The following PPP2R3A variants were observed in gnomAD, a reference collection of about 807,000 sequenced individuals.
PPP2R3A encodes the protein serine/threonine-protein phosphatase 2A regulatory subunit B'' subunit alpha.
PPP2R3A carries 80 observed loss-of-function variants against 106.9 expected under a neutral mutation model. The ratio of observed to expected loss-of-function variants is 0.75; its 90% CI spans 0.62 to 0.90. PPP2R3A has a LOEUF of 0.90. Among genes scored for constraint, PPP2R3A ranks in the 40% least tolerant of loss-of-function variants. The pLI is 0.00. For missense variants in PPP2R3A, 1,386 were observed against 1,350.4 expected (o/e 1.03, Z -0.41); for synonymous variants, 483 against 468.3 (o/e 1.03, Z -0.41).
At chr3:136,126,474 G>C (rs1014829598) in intron 13 of PPP2R3A, among the ~76,000 whole-genome samples, 2 of 152,194 alleles carry the variant, frequency 1.3e-5, no homozygotes, top group African/African-American at 4.8e-5. Flanking sequence ...CAGGAAGCTC[G>C]AACTGGGCAG....
At chr3:136,095,104 T>G (rs565133497) in intron 10 of PPP2R3A, among the ~76,000 whole-genome samples, 1 of 152,290 alleles carries the variant, frequency 6.6e-6, no homozygotes, top group Non-Finnish European at 1.5e-5. Flanking sequence ...AATTCTTCAC[T>G]GCCCTGTTAA....
intron 2 of PPP2R3A, among the ~76,000 whole-genome samples, chr3:136,025,557 ATC>A (rs1210154682): frequency 6.6e-6 from 1 of 152,122 alleles, no homozygotes; most frequent in African/African-American, 2.4e-5. Flanking sequence ...AATAAATCTT[ATC>A]TCTTTATAAA....
chr3:135,984,961 C>T (rs562829223), intron 1 of PPP2R3A, among the ~76,000 whole-genome samples: 4 of 152,198 alleles, frequency 2.6e-5, no homozygotes, highest in African/African-American at 9.6e-5. Flanking sequence ...CATCAGATCT[C>T]ATGAGACCCA....
intron 1 of PPP2R3A, among the ~76,000 whole-genome samples, chr3:135,980,932 G>A (rs1420404647): frequency 6.6e-6 from 1 of 151,924 alleles, no homozygotes; most frequent in African/African-American, 2.4e-5. Flanking sequence ...AGGTGTAGGT[G>A]TACTGAATGA....
intron 13 of PPP2R3A, among the ~76,000 whole-genome samples, chr3:136,114,529 C>T (rs1937665619): frequency 6.6e-6 from 1 of 152,198 alleles, no homozygotes; most frequent in East Asian, 1.9e-4. Context: ...AACTAAGATC[C>T]ACTGGCTTGA....
At chr3:136,132,158 T>G (rs1040466078) in intron 13 of PPP2R3A, among the ~76,000 whole-genome samples, 3 of 151,378 alleles carry the variant, frequency 2.0e-5, no homozygotes, top group African/African-American at 7.3e-5. Context: ...GAACTTTAAG[T>G]ATAATAAAAA....
intron 2 of PPP2R3A, among the ~76,000 whole-genome samples, chr3:136,012,358 G>A (rs776025290): frequency 1.3e-5 from 2 of 152,142 alleles, no homozygotes; most frequent in African/African-American, 2.4e-5. Context: ...TAGGAACACT[G>A]AAAAGCAAAA....
intron 5 of PPP2R3A, among the ~76,000 whole-genome samples, chr3:136,065,766 T>C (rs1471385239): frequency 6.6e-6 from 1 of 152,160 alleles, no homozygotes; most frequent in Non-Finnish European, 1.5e-5. Context: ...GCCTCAACTA[T>C]GTGGGCTCAA....
At chr3:136,143,046 A>G (rs1409502956) in intron 13 of PPP2R3A, among the ~76,000 whole-genome samples, 4 of 152,192 alleles carry the variant, frequency 2.6e-5, no homozygotes, top group African/African-American at 9.7e-5. Context: ...GAGATGGGGG[A>G]AGAGGAGTGG....
intron 6 of PPP2R3A, among the ~76,000 whole-genome samples, chr3:136,074,583 G>A (rs1408452104): frequency 5.3e-5 from 8 of 152,216 alleles, no homozygotes; most frequent in Non-Finnish European, 1.2e-4. Flanking sequence ...GGAAAGAAGT[G>A]CTAACTTGAG....
chr3:136,077,284 G>A (rs1936629153), intron 6 of PPP2R3A, among the ~76,000 whole-genome samples: 1 of 152,170 alleles, frequency 6.6e-6, no homozygotes, highest in Non-Finnish European at 1.5e-5. Context: ...TAGAACAGTT[G>A]AAGAATCACT....
intron 1 of PPP2R3A, among the ~76,000 whole-genome samples, chr3:135,989,490 G>A (rs1933065938): frequency 1.3e-5 from 2 of 150,666 alleles, no homozygotes; most frequent in African/African-American, 4.9e-5. Context: ...TTTATAGTGT[G>A]TGTTGGGTTG....
chr3:136,146,666 G>C lies in PPP2R3A; in HGVS notation c.*1500G>C, dbSNP rs1191212393. ...TTCCATTTAACTATTACAGAAAGCA[G>C]TAACTATTGCAACTATCTAATAGTT... On this transcript the variant is annotated 3_prime_UTR_variant, in exon 14 of 14. Coordinates refer to ENST00000264977, the MANE Select transcript of PPP2R3A (RefSeq NM_002718.5). 6.6e-6 allele frequency: 1 copy of C among 152,046 alleles called. No individual in the cohort carries two copies. The highest frequency in any genetic ancestry group is 1.5e-5 in the Non-Finnish European group (1 of 68,006). The allele number at this position is 152,046 out of a possible 1,614,324, so 9.4% of individuals were successfully genotyped here. A position where few individuals can be genotyped will look rare whatever the true frequency, so the allele number is the denominator to read the frequency against.
chr3:136,048,535 G>T (rs1935555125), intron 4 of PPP2R3A, among the ~76,000 whole-genome samples: 1 of 152,110 alleles, frequency 6.6e-6, no homozygotes, highest in African/African-American at 2.4e-5. Context: ...AGCCAGGCGT[G>T]GTGGCATGCG....
chr3:136,087,759 T>TCAC (rs1936990596), intron 8 of PPP2R3A, 124 bp from the exon 9 acceptor site: 23 of 591,204 alleles, frequency 3.9e-5, no homozygotes, highest in Non-Finnish European at 1.2e-5. Flanking sequence ...TGTACTCACA[T>TCAC]TCTCATCATG....
At position 136,099,089 on chromosome 3, in the gene PPP2R3A, C is replaced by T. The variant is rs1049183572; in HGVS notation, c.2928-2918C>T. Among the ~76,000 whole-genome samples the T allele has an allele frequency of 3.3e-5, 5 of 152,182 alleles. No homozygotes were observed. The South Asian group carries it at 8.3e-4, about 25-fold the overall frequency. On this transcript the variant is annotated intron_variant, in intron 10 of 13. Transcript: ENST00000264977. ...CACTCAGCTAACAGAATGCTGCCTA[C>T]CTGCCCTGAACCTCCAAGCAAGAAA...
intron 13 of PPP2R3A, among the ~76,000 whole-genome samples, chr3:136,138,868 C>A (rs962512338): frequency 6.6e-6 from 1 of 151,578 alleles, no homozygotes; most frequent in Non-Finnish European, 1.5e-5. Context: ...TGCACCACCA[C>A]GCCCAGCTAA....
At chr3:135,979,709 A>C (rs1045023909) in intron 1 of PPP2R3A, among the ~76,000 whole-genome samples, 3 of 151,862 alleles carry the variant, frequency 2.0e-5, no homozygotes, top group African/African-American at 7.3e-5. Flanking sequence ...TGTCCAAAAC[A>C]TACTGGGCAG....
intron 12 of PPP2R3A, 51 bp from the exon 13 acceptor site, chr3:136,106,165 T>A: frequency 6.8e-7 from 1 of 1,474,260 alleles, no homozygotes; most frequent in Non-Finnish European, 9.4e-7. Flanking sequence ...TATCTCCAAT[T>A]CTTTGTCTTT....
Sources: allele counts gnomAD v4.1 joint callset (sites outside exome capture counted in the v4.1 genomes callset), GRCh38; gene constraint gnomAD v4.1.1; transcripts MANE v1.5; gene names NCBI Gene and HGNC (gene_info 2026-07-23, HGNC 2026-07-21).